Variants in FSTL5 observed in about 807,000 individuals in gnomAD.
FSTL5 encodes follistatin-related protein 5.
A neutral mutation model predicts 89.1 loss-of-function variants in FSTL5; 62 were observed. That is an observed-to-expected ratio of 0.70 (90% CI 0.57 to 0.86). The LOEUF is 0.86. Ranked by LOEUF, FSTL5 falls within the 40% of genes least tolerant of loss-of-function variation. FSTL5 has a pLI of 0.00. For synonymous variants in FSTL5, 383 were observed against 346.2 expected, an observed-to-expected ratio of 1.11 and a Z score of -1.18; for missense variants, 1,057 against 1,001.6, an observed-to-expected ratio of 1.06 and a Z score of -0.75.
rs1336606109 is a variant in FSTL5 at position 161,880,630 on chromosome 4, AAT to A, written c.409+39772_409+39773del. ...TAGCTGTTTTACTCCTAATTGACAAAATAGAGAAGCAGCCTAACTGTCCTTCA... is the reference window on the plus strand; with the variant it reads ...TAGCTGTTTTACTCCTAATTGACAAAAGAGAAGCAGCCTAACTGTCCTTCA... On this transcript the variant is annotated intron_variant, in intron 4 of 15. Transcript: ENST00000306100. Among the ~76,000 whole-genome samples the A allele has an allele frequency of 4.6e-5, 7 of 152,312 alleles. No individual in the cohort carries two copies. In the East Asian group the frequency reaches 1.3e-3, roughly 29 times the overall value.
At chr4:161,636,090 CA>C (rs34996065) in intron 7 of FSTL5, among the ~76,000 whole-genome samples, 4,170 of 129,120 alleles carry the variant, frequency 0.032, 140 homozygotes, top group African/African-American at 0.093. Context: ...TAATTGACAG[CA>C]AAAAAAAAAA....
At chr4:161,984,194 C>G (rs1024970462) in intron 3 of FSTL5, among the ~76,000 whole-genome samples, 1 of 151,886 alleles carries the variant, frequency 6.6e-6, no homozygotes, top group African/African-American at 2.4e-5. Context: ...ATGGGTTTCT[C>G]TATACTTTTT....
At chr4:162,098,075 A>T (rs768504251) in intron 2 of FSTL5, among the ~76,000 whole-genome samples, 39 of 151,778 alleles carry the variant, frequency 2.6e-4, no homozygotes, top group Non-Finnish European at 4.7e-4. Context: ...GAAGATAAAA[A>T]ATAACCAAAA....
At chr4:161,944,615 T>C (rs1734685489) in intron 3 of FSTL5, among the ~76,000 whole-genome samples, 1 of 151,870 alleles carries the variant, frequency 6.6e-6, no homozygotes, top group South Asian at 2.1e-4. Context: ...GAAAATTACG[T>C]TATAAAAAGT....
chr4:162,076,075 G>C (rs907611040), intron 2 of FSTL5, among the ~76,000 whole-genome samples: 1 of 151,802 alleles, frequency 6.6e-6, no homozygotes, highest in Non-Finnish European at 1.5e-5. Flanking sequence ...CTATAGATGG[G>C]AGAAAATAGA....
chr4:161,898,386 A>C (rs912315448), intron 4 of FSTL5, among the ~76,000 whole-genome samples: 6 of 151,718 alleles, frequency 4.0e-5, no homozygotes, highest in African/African-American at 1.4e-4. Context: ...TGTGCACATA[A>C]ATTTTCAACT....
chr4:161,942,301 G>A (rs1392609742), intron 3 of FSTL5, among the ~76,000 whole-genome samples: 2 of 149,378 alleles, frequency 1.3e-5, no homozygotes, highest in Non-Finnish European at 1.5e-5. Flanking sequence ...TCAGAGAATA[G>A]AAAAAAAAAA....
intron 3 of FSTL5, among the ~76,000 whole-genome samples, chr4:161,930,790 T>C (rs1371389192): frequency 6.6e-6 from 1 of 151,910 alleles, no homozygotes; most frequent in Non-Finnish European, 1.5e-5. Context: ...AAAAACTTTG[T>C]TTATCCCTTG....
At chr4:162,073,260 A>G (rs1196052695) in intron 2 of FSTL5, among the ~76,000 whole-genome samples, 2 of 151,694 alleles carry the variant, frequency 1.3e-5, no homozygotes, top group African/African-American at 4.8e-5. Context: ...GTGTGTGTGT[A>G]TGTATATTTT....
rs553848655 is a variant in FSTL5 at position 161,746,700 on chromosome 4, C to T, written c.727+12711G>A. On this transcript the variant is annotated intron_variant, in intron 6 of 15. Transcript: ENST00000306100. ...TTTTGCACTCAGTTTCATAAATGACCTCTCAAATGTAAATTACAATCCCTG... is the reference window on the plus strand; with the variant it reads ...TTTTGCACTCAGTTTCATAAATGACTTCTCAAATGTAAATTACAATCCCTG... Among the ~76,000 whole-genome samples, 416 of 152,212 alleles carry T rather than the reference C, an allele frequency of 2.7e-3. 4 individuals are homozygous for T. The highest frequency in any genetic ancestry group is 9.1e-3 in the African/African-American group (378 of 41,538).
At chr4:162,056,914 A>C (rs1003286878) in intron 2 of FSTL5, among the ~76,000 whole-genome samples, 1 of 152,202 alleles carries the variant, frequency 6.6e-6, no homozygotes, top group Non-Finnish European at 1.5e-5. Context: ...TTCCAACCTT[A>C]AACTAATAAA....
intron 11 of FSTL5, among the ~76,000 whole-genome samples, chr4:161,503,873 A>G (rs1353045206): frequency 6.6e-6 from 1 of 152,040 alleles, no homozygotes. Context: ...GTGCAATGAT[A>G]TGATTTTGGG....
chr4:161,984,362 C>T (rs1263021102), intron 3 of FSTL5, among the ~76,000 whole-genome samples: 1 of 151,812 alleles, frequency 6.6e-6, no homozygotes, highest in African/African-American at 2.4e-5. Flanking sequence ...TATTTTTGTA[C>T]ATAAATTATA....
At chr4:162,068,415 A>G (rs915497050) in intron 2 of FSTL5, among the ~76,000 whole-genome samples, 5 of 152,120 alleles carry the variant, frequency 3.3e-5, no homozygotes, top group African/African-American at 1.2e-4. Flanking sequence ...CAACCATCTG[A>G]TCTTCGACAA....
At chr4:162,145,983 C>T (rs1475603946) in intron 1 of FSTL5, among the ~76,000 whole-genome samples, 5 of 152,052 alleles carry the variant, frequency 3.3e-5, no homozygotes, top group Admixed American at 2.6e-4. Context: ...TTATGCAATA[C>T]TTAGGAGGAG....
At chr4:162,150,032 G>A (rs1490073043) in intron 1 of FSTL5, among the ~76,000 whole-genome samples, 1 of 152,070 alleles carries the variant, frequency 6.6e-6, no homozygotes, top group South Asian at 2.1e-4. Flanking sequence ...TTTGCTAACA[G>A]TTTAGAACTT....
At chr4:162,014,947 A>G (rs986342761) in intron 3 of FSTL5, among the ~76,000 whole-genome samples, 2 of 152,172 alleles carry the variant, frequency 1.3e-5, no homozygotes, top group African/African-American at 4.8e-5. Context: ...ATGCTACTCA[A>G]GGTTAAAAAT....
chr4:161,501,826 C>T (rs965996491), intron 11 of FSTL5, among the ~76,000 whole-genome samples: 3 of 151,766 alleles, frequency 2.0e-5, no homozygotes, highest in Admixed American at 6.6e-5. Context: ...AAGAGAAAGC[C>T]GAAACAAAGC....
At chr4:162,138,799 T>C (rs75011526) in intron 1 of FSTL5, among the ~76,000 whole-genome samples, 1 of 152,040 alleles carries the variant, frequency 6.6e-6, no homozygotes, top group Non-Finnish European at 1.5e-5. Flanking sequence ...AAATCTGACA[T>C]GCAACACAAA....
Sources: gnomAD v4.1 joint callset for allele counts (sites outside exome capture counted in the v4.1 genomes callset) on GRCh38, gnomAD v4.1.1 for gene constraint, MANE v1.5 for transcripts, NCBI Gene and HGNC (gene_info 2026-07-23, HGNC 2026-07-21) for gene names.